TAFA1: variants seen among roughly 807,000 people sequenced by gnomAD.
TAFA1 encodes the protein chemokine-like protein TAFA-1.
A neutral mutation model predicts 18.5 loss-of-function variants in TAFA1; 4 were observed. That is an observed-to-expected ratio of 0.22 (90% CI 0.11 to 0.49). The LOEUF (loss-of-function observed/expected upper bound fraction) is 0.49. Ranked by LOEUF, TAFA1 falls within the 20% of genes least tolerant of loss-of-function variation. The probability of loss-of-function intolerance (pLI) is 0.98; values close to 1 mark genes in which losing one functional copy is unlikely to be tolerated. For synonymous variants in TAFA1, 56 were observed against 55.2 expected (o/e 1.01, Z -0.06); for missense variants, 147 against 169.0 (o/e 0.87, Z 0.72).
At chr3:67,997,646 A>G in the TAFA1 span, among the ~76,000 whole-genome samples, 1 of 152,204 alleles carries the variant, frequency 6.6e-6, no homozygotes, top group African/African-American at 2.4e-5. Context: ...TCAGAAATTT[A>G]CTTAAAGGCA....
chr3:68,236,581 G>GA (rs1361336870), intron 2 of TAFA1, among the ~76,000 whole-genome samples: 2 of 152,132 alleles, frequency 1.3e-5, no homozygotes, highest in Admixed American at 1.3e-4. Flanking sequence ...TGCATGATGG[G>GA]AAAAAAATGA....
chr3:68,242,087 G>C (rs2067007160), intron 2 of TAFA1, among the ~76,000 whole-genome samples: 1 of 152,140 alleles, frequency 6.6e-6, no homozygotes, highest in Non-Finnish European at 1.5e-5. Context: ...AATCAGGTTA[G>C]TATACTAGCA....
chr3:68,113,842 G>A (rs980962163), intron 2 of TAFA1, among the ~76,000 whole-genome samples: 1 of 149,884 alleles, frequency 6.7e-6, no homozygotes, highest in African/African-American at 2.5e-5. Flanking sequence ...ATTTGCTCTG[G>A]CCAGTAAAAT....
intron 2 of TAFA1, among the ~76,000 whole-genome samples, chr3:68,070,837 G>C (rs553302320): frequency 6.6e-6 from 1 of 152,314 alleles, no homozygotes; most frequent in Admixed American, 6.5e-5. Flanking sequence ...AATGTACCAA[G>C]TATCACCTTC....
rs1299418001 is a variant in TAFA1, at chr3:68,384,998, G to C, written c.119-32282G>C. Among the ~76,000 whole-genome samples the C allele has an allele frequency of 2.0e-5, 3 of 151,430 alleles. No individual in the cohort carries two copies. The East Asian group carries it at 5.8e-4, about 29-fold the overall frequency. ...AAGGATTGAAATCATTACTTTTTTT[G>C]TTTGTTTTTCATTGGCTTGTTGGAT... On this transcript the variant is annotated intron_variant, in intron 2 of 4. Coordinates refer to ENST00000478136, the MANE Select transcript of TAFA1 (RefSeq NM_213609.4).
chr3:67,997,387 A>C, the TAFA1 span, among the ~76,000 whole-genome samples: 1 of 152,208 alleles, frequency 6.6e-6, no homozygotes, highest in Admixed American at 6.5e-5. Flanking sequence ...GTAGAGCTGA[A>C]ATAGACTCAA....
intron 3 of TAFA1, among the ~76,000 whole-genome samples, chr3:68,483,179 C>A (rs970142391): frequency 2.0e-5 from 3 of 152,182 alleles, no homozygotes; most frequent in African/African-American, 7.2e-5. Flanking sequence ...CCAGCACACA[C>A]TGGAGACAGA....
chr3:68,057,537 T>C (rs1398957025), intron 2 of TAFA1, among the ~76,000 whole-genome samples: 3 of 152,206 alleles, frequency 2.0e-5, no homozygotes, highest in African/African-American at 7.2e-5. Context: ...ATTGTAATTT[T>C]ATAACTTGGT....
At chr3:68,168,490 C>A (rs1347336165) in intron 2 of TAFA1, among the ~76,000 whole-genome samples, 1 of 152,194 alleles carries the variant, frequency 6.6e-6, no homozygotes, top group Non-Finnish European at 1.5e-5. Context: ...TGAAAATAGT[C>A]ATAATGTAGA....
chr3:68,504,117 A>G (rs1341223942), intron 3 of TAFA1, among the ~76,000 whole-genome samples: 2 of 152,178 alleles, frequency 1.3e-5, no homozygotes, highest in Admixed American at 1.3e-4. Flanking sequence ...AGTCTTATTT[A>G]TGTATAACCA....
rs76755312 is a variant in TAFA1, at chr3:68,103,659, G to A, written c.118+96915G>A. 6.6e-3 allele frequency among the ~76,000 whole-genome samples: 1,002 copies of A among 152,128 alleles called. 9 individuals are homozygous for A. Among genetic ancestry groups the A allele is most frequent in the African/African-American group, 0.023 (956 of 41,484 alleles). Reference sequence around the variant, plus strand: ...CTGCTAAGCTTTTAAGCTTTAGCACGCTAATTGTCATCACCACCGCTACTA... The same window carrying A: ...CTGCTAAGCTTTTAAGCTTTAGCACACTAATTGTCATCACCACCGCTACTA... On this transcript the variant is annotated intron_variant, in intron 2 of 4. Coordinates refer to ENST00000478136, the MANE Select transcript of TAFA1 (RefSeq NM_213609.4).
intron 2 of TAFA1, among the ~76,000 whole-genome samples, chr3:68,078,484 C>A (rs1276226459): frequency 6.6e-6 from 1 of 152,112 alleles, no homozygotes; most frequent in Non-Finnish European, 1.5e-5. Context: ...AGATACGTCC[C>A]ATCAATACCT....
At chr3:68,061,843 G>C (rs760569096) in intron 2 of TAFA1, among the ~76,000 whole-genome samples, 1 of 152,146 alleles carries the variant, frequency 6.6e-6, no homozygotes, top group Non-Finnish European at 1.5e-5. Context: ...AGGAGGGGGA[G>C]GTTGAACCAC....
At chr3:68,440,048 CT>C (rs201537078) in intron 3 of TAFA1, among the ~76,000 whole-genome samples, 1 of 150,062 alleles carries the variant, frequency 6.7e-6, no homozygotes, top group Non-Finnish European at 1.5e-5. Context: ...TGTCCCCCCC[CT>C]CCAAATCTCA....
chr3:68,375,833 G>A (rs2069800839), intron 2 of TAFA1, among the ~76,000 whole-genome samples: 1 of 152,172 alleles, frequency 6.6e-6, no homozygotes, highest in Non-Finnish European at 1.5e-5. Context: ...ATATCCCACA[G>A]AGGCTTCTAA....
intron 2 of TAFA1, among the ~76,000 whole-genome samples, chr3:68,105,423 T>C (rs1457569841): frequency 6.6e-6 from 1 of 152,200 alleles, no homozygotes; most frequent in Non-Finnish European, 1.5e-5. Flanking sequence ...ACATGTTTTA[T>C]TTTATTGTTA....
At chr3:68,256,381 G>A (rs1417690843) in intron 2 of TAFA1, among the ~76,000 whole-genome samples, 1 of 152,140 alleles carries the variant, frequency 6.6e-6, no homozygotes, top group Admixed American at 6.6e-5. Context: ...CAGGTAGACT[G>A]GCTGGGAGAC....
intron 2 of TAFA1, among the ~76,000 whole-genome samples, chr3:68,411,964 T>C (rs1240161549): frequency 6.6e-6 from 1 of 152,136 alleles, no homozygotes; most frequent in East Asian, 1.9e-4. Context: ...GGGGTTCCAC[T>C]GTGTCCACCA....
intron 2 of TAFA1, among the ~76,000 whole-genome samples, chr3:68,238,398 T>A (rs189497813): frequency 6.6e-5 from 10 of 152,244 alleles, no homozygotes; most frequent in Admixed American, 2.6e-4. Flanking sequence ...ATTCAGGATT[T>A]TCTCTGAAGA....
Sources: gnomAD v4.1 joint callset for allele counts (sites outside exome capture counted in the v4.1 genomes callset) on GRCh38, gnomAD v4.1.1 for gene constraint, MANE v1.5 for transcripts, NCBI Gene and HGNC (gene_info 2026-07-23, HGNC 2026-07-21) for gene names.